Variants in RUNX1 observed in about 807,000 individuals in gnomAD.
RUNX1 encodes the protein RUNX family transcription factor 1, also known as runt-related transcription factor 1.
RUNX1 carries 19 observed loss-of-function variants against 42.8 expected under a neutral mutation model. The ratio of observed to expected loss-of-function variants is 0.44; its 90% CI spans 0.31 to 0.65. RUNX1 has a LOEUF of 0.65. Ranked by LOEUF, RUNX1 falls within the 30% of genes least tolerant of loss-of-function variation. The pLI, the probability that RUNX1 is intolerant of heterozygous loss-of-function variation, is 0.07. For missense variants in RUNX1, 528 were observed against 672.0 expected, an observed-to-expected ratio of 0.79 and a Z score of 2.37; for synonymous variants, 271 against 289.4, an observed-to-expected ratio of 0.94 and a Z score of 0.64.
chr21:34,992,019 G>C (rs1569140732), intron 2 of RUNX1, among the ~76,000 whole-genome samples: 1 of 152,218 alleles, frequency 6.6e-6, no homozygotes. Flanking sequence ...GCAAGGGCCT[G>C]CCAACACCTT....
At position 34,790,453 on chromosome 21, in the gene RUNX1, G is replaced by A. The variant is rs1356989865; in HGVS notation, c.*1682C>T. 5 of 233,094 alleles carry A rather than the reference G, an allele frequency of 2.1e-5. No individual in the cohort carries two copies. In the East Asian group the frequency reaches 3.0e-4, roughly 14 times the overall value. The allele number at this position is 233,094 out of a possible 1,614,324, so 14.4% of individuals were successfully genotyped here. A position where few individuals can be genotyped will look rare whatever the true frequency, so the allele number is the denominator to read the frequency against. On this transcript the variant is annotated 3_prime_UTR_variant, in exon 9 of 9. Transcript: ENST00000675419. The stretch of plus-strand genomic sequence containing the variant: ...CCACCAGATCATTTGGAGCACACAT[G>A]TGTCAAAATCAGCAGTTAGTATTTA...
chr21:34,893,368 A>G (rs1398676737), intron 2 of RUNX1, among the ~76,000 whole-genome samples: 2 of 152,184 alleles, frequency 1.3e-5, no homozygotes, highest in Admixed American at 1.3e-4. Flanking sequence ...TTTACTTCCA[A>G]TGATAGGACA....
At chr21:34,917,935 C>G (rs986389484) in intron 2 of RUNX1, among the ~76,000 whole-genome samples, 1 of 151,908 alleles carries the variant, frequency 6.6e-6, no homozygotes, top group African/African-American at 2.4e-5. Context: ...TCAATACCAG[C>G]CTGGCCAACA....
chr21:34,876,197 C>T (rs1209916932), intron 5 of RUNX1, among the ~76,000 whole-genome samples: 1 of 152,144 alleles, frequency 6.6e-6, no homozygotes, highest in Non-Finnish European at 1.5e-5. Context: ...ACAGAATAGG[C>T]CCCCTCCCCT....
chr21:34,798,764 T>C (rs987762570), intron 8 of RUNX1, among the ~76,000 whole-genome samples: 3 of 152,136 alleles, frequency 2.0e-5, no homozygotes, highest in Admixed American at 6.5e-5. Flanking sequence ...GGAGGATATA[T>C]ATGTTATATA....
chr21:34,853,449 A>G (rs1478879414), intron 6 of RUNX1, among the ~76,000 whole-genome samples: 1 of 152,188 alleles, frequency 6.6e-6, no homozygotes, highest in Admixed American at 6.5e-5. Flanking sequence ...AAGCTCAAAA[A>G]GCGGCCAGTG....
At chr21:34,869,381 C>T (rs1048435883) in intron 5 of RUNX1, among the ~76,000 whole-genome samples, 7 of 152,204 alleles carry the variant, frequency 4.6e-5, no homozygotes, top group African/African-American at 1.7e-4. Context: ...CTGAGTCCTA[C>T]AGGTGTGCCC....
intron 2 of RUNX1, among the ~76,000 whole-genome samples, chr21:34,968,537 CCTT>C (rs2058737446): frequency 6.6e-6 from 1 of 152,148 alleles, no homozygotes; most frequent in African/African-American, 2.4e-5. Flanking sequence ...CTCCCTGTTG[CCTT>C]CTTATTCAAG....
At chr21:34,818,264 T>G (rs2056859093) in intron 7 of RUNX1, among the ~76,000 whole-genome samples, 1 of 152,226 alleles carries the variant, frequency 6.6e-6, no homozygotes. Context: ...ACGAGCTCCT[T>G]GTTCTGCAGT....
rs1601334068 is a variant in RUNX1 at position 34,792,617 on chromosome 21, G to A, written c.968-7C>T. On this transcript the variant is annotated splice_region_variant and splice_polypyrimidine_tract_variant and intron_variant, in intron 8 of 8. Coordinates refer to ENST00000675419, the MANE Select transcript of RUNX1 (RefSeq NM_001754.5). The surrounding 1 kb of genome is among the most constrained non-coding windows in gnomAD (Gnocchi z 6.9). ...GCTGTCAGGTCGGGTGCCGCTGCAG[G>A]GCGGGCAAGAGAACGGAGCGGAAGT... 1 of 1,579,412 alleles carries A rather than the reference G, an allele frequency of 6.3e-7. No individual in the cohort carries two copies. The highest frequency in any genetic ancestry group is 8.6e-7 in the Non-Finnish European group (1 of 1,162,962).
chr21:34,845,819 C>T (rs189330538), intron 6 of RUNX1, among the ~76,000 whole-genome samples: 2 of 152,232 alleles, frequency 1.3e-5, no homozygotes, highest in East Asian at 3.9e-4. Context: ...GAAAGCAGGG[C>T]CTCCAAGAGC....
At chr21:34,957,048 G>C (rs2058649499) in intron 2 of RUNX1, among the ~76,000 whole-genome samples, 2 of 152,182 alleles carry the variant, frequency 1.3e-5, no homozygotes, top group African/African-American at 4.8e-5. Context: ...GAGTGGATCT[G>C]ATGCCAGGGA....
At chr21:34,879,007 T>A (rs762011115) in intron 5 of RUNX1, among the ~76,000 whole-genome samples, 19 of 152,222 alleles carry the variant, frequency 1.2e-4, no homozygotes, top group Non-Finnish European at 2.1e-4. Flanking sequence ...AGCTATTGAT[T>A]CCTAACAGCA....
chr21:34,941,759 G>T (rs1321280310), intron 2 of RUNX1, among the ~76,000 whole-genome samples: 2 of 152,028 alleles, frequency 1.3e-5, no homozygotes, highest in Non-Finnish European at 1.5e-5. Flanking sequence ...TAATGGTATG[G>T]AAGGCTGAAA....
At chr21:34,966,868 T>C (rs1038542912) in intron 2 of RUNX1, among the ~76,000 whole-genome samples, 4 of 152,112 alleles carry the variant, frequency 2.6e-5, no homozygotes, top group Non-Finnish European at 4.4e-5. Flanking sequence ...AGAACTGCAG[T>C]GGCTGTAAAT....
rs371940841 is a variant in RUNX1, at chr21:34,823,388, C to T, written c.805+11022G>A. On this transcript the variant is annotated intron_variant, in intron 7 of 8. Coordinates refer to ENST00000675419, the MANE Select transcript of RUNX1 (RefSeq NM_001754.5). ...CCCAGTTCAGATTGTGTGGAAGAAC[C>T]AAGACGGTAGAGGAATTAAGCACCA... Among the ~76,000 whole-genome samples the T allele has an allele frequency of 4.7e-5, 7 of 147,776 alleles. No homozygotes were observed. In the South Asian group the frequency reaches 1.3e-3, roughly 27 times the overall value.
At chr21:34,897,628 C>T (rs894950140) in intron 2 of RUNX1, among the ~76,000 whole-genome samples, 1 of 152,048 alleles carries the variant, frequency 6.6e-6, no homozygotes, top group African/African-American at 2.4e-5. Flanking sequence ...GTGGAACCAC[C>T]CCTTCCCTGG....
chr21:34,865,573 A>AT (rs1317794749), intron 5 of RUNX1, among the ~76,000 whole-genome samples: 36 of 152,160 alleles, frequency 2.4e-4, no homozygotes, highest in African/African-American at 8.0e-4. Flanking sequence ...TCAAGGGGTG[A>AT]GTCTTCCTGG....
intron 6 of RUNX1, among the ~76,000 whole-genome samples, chr21:34,841,399 T>C (rs138941576): frequency 1.3e-5 from 2 of 152,270 alleles, no homozygotes; most frequent in Non-Finnish European, 2.9e-5. Context: ...TTTGTACTCT[T>C]GTGGGTGGTA....
Sources: gnomAD v4.1 joint callset for allele counts (sites outside exome capture counted in the v4.1 genomes callset) on GRCh38, gnomAD v4.1.1 for gene constraint, Gnocchi (gnomAD v3.1) non-coding constraint, MANE v1.5 for transcripts, NCBI Gene and HGNC (gene_info 2026-07-23, HGNC 2026-07-21) for gene names.